The following TNRC6B variants were observed in gnomAD, a reference collection of about 807,000 sequenced individuals.
TNRC6B encodes trinucleotide repeat-containing gene 6B protein.
TNRC6B carries 52 observed loss-of-function variants against 203.6 expected under a neutral mutation model. The ratio of observed to expected loss-of-function variants is 0.26; its 90% CI spans 0.20 to 0.32. The LOEUF is 0.32. TNRC6B is among the 10% of genes least tolerant of loss of function. The pLI is 1.00. For missense variants in TNRC6B, 1,923 were observed against 2,286.2 expected, an observed-to-expected ratio of 0.84 and a Z score of 3.24; for synonymous variants, 838 against 845.7, an observed-to-expected ratio of 0.99 and a Z score of 0.16.
intron 12 of TNRC6B, among the ~76,000 whole-genome samples, chr22:40,296,278 A>G (rs1012657760): frequency 1.3e-5 from 2 of 151,844 alleles, no homozygotes; most frequent in Non-Finnish European, 2.9e-5. Context: ...CAGATCAGAA[A>G]TGGGAAAGAA....
intron 11 of TNRC6B, among the ~76,000 whole-genome samples, chr22:40,282,434 A>C (rs1431917507): frequency 6.6e-6 from 1 of 152,200 alleles, no homozygotes; most frequent in Non-Finnish European, 1.5e-5. Flanking sequence ...CACAGAGGAC[A>C]TGGATATATA....
Position 40,277,116 on chromosome 22 carries a change from C to T in TNRC6B, c.3181C>T (p.Pro1061Ser). 1 of 1,608,000 alleles carries T rather than the reference C, an allele frequency of 6.2e-7. No individual in the cohort carries two copies. The highest frequency in any genetic ancestry group is 2.2e-5 in the East Asian group (1 of 44,536). ...AGGAAACAATGATTCATGGATGAAT[C>T]CTCTTGCCAAACAGTTTTCAAATAT... ...KGGNNDSWMN[P>S]LAKQFSNMGL... Residue 1061 changes from proline (P) to serine (S), a missense_variant, in exon 8 of 23, where the codon CCT (proline) becomes TCT (serine). Pro to Ser is a moderately conservative substitution (Grantham distance 74). This residue lies in a region of TNRC6B where 599 missense variants were observed against 656.5 expected (regional missense o/e 0.91). Transcript: ENST00000454349.
intron 1 of TNRC6B, among the ~76,000 whole-genome samples, chr22:40,091,467 GA>G (rs57865746): frequency 0.076 from 10,799 of 142,056 alleles, 1,192 homozygotes; most frequent in African/African-American, 0.25. Flanking sequence ...AAATTGCAAA[GA>G]AAAAAAAAAA....
At chr22:40,215,307 T>C (rs1198828305) in intron 1 of TNRC6B, among the ~76,000 whole-genome samples, 2 of 152,108 alleles carry the variant, frequency 1.3e-5, no homozygotes, top group African/African-American at 4.8e-5. Flanking sequence ...GATTTATCAG[T>C]TAAGTGTGTG....
At chr22:40,297,292 G>A (rs2070957461) in intron 12 of TNRC6B, among the ~76,000 whole-genome samples, 1 of 152,156 alleles carries the variant, frequency 6.6e-6, no homozygotes, top group African/African-American at 2.4e-5. Context: ...GGAAGCTTTA[G>A]CGGCATATGA....
At chr22:40,155,129 G>T (rs1414177414) in intron 3 of TNRC6B, among the ~76,000 whole-genome samples, 1 of 151,380 alleles carries the variant, frequency 6.6e-6, no homozygotes, top group Non-Finnish European at 1.5e-5. Flanking sequence ...ACTGTTGACA[G>T]ATGTTTATTC....
At chr22:40,250,257 C>T (rs895491026) in intron 2 of TNRC6B, among the ~76,000 whole-genome samples, 1 of 152,150 alleles carries the variant, frequency 6.6e-6, no homozygotes, top group Non-Finnish European at 1.5e-5. Context: ...GGATGTTTTG[C>T]TTGTGCATCA....
chr22:40,111,283 CGAGCAGGGACCGGGGT>C (rs6147626), intron 1 of TNRC6B, among the ~76,000 whole-genome samples: 8,625 of 152,156 alleles, frequency 0.057, 765 homozygotes, highest in African/African-American at 0.19. Flanking sequence ...GGCAGTGGGG[CGAGCAGGGACCGGGGT>C]GAGCAGGGAC....
intron 1 of TNRC6B, among the ~76,000 whole-genome samples, chr22:40,091,068 G>A (rs939321774): frequency 1.3e-5 from 2 of 152,036 alleles, no homozygotes; most frequent in Non-Finnish European, 2.9e-5. Context: ...TGCAAGCTTC[G>A]CCTCCCGGGT....
At chr22:40,253,779 A>G (rs2146481810) in intron 3 of TNRC6B, 1 of 454,060 alleles carries the variant, frequency 2.2e-6, no homozygotes, top group Non-Finnish European at 4.4e-6. Flanking sequence ...CCACATCTTC[A>G]TCTTTATTCC....
intron 1 of TNRC6B, among the ~76,000 whole-genome samples, chr22:40,210,797 T>C (rs1040402094): frequency 2.6e-5 from 4 of 152,204 alleles, no homozygotes; most frequent in African/African-American, 9.6e-5. Context: ...CCTGGAAATA[T>C]GCTTGACCAG....
chr22:40,146,537 G>T (rs939592098), intron 3 of TNRC6B, among the ~76,000 whole-genome samples: 3 of 151,154 alleles, frequency 2.0e-5, no homozygotes, highest in Non-Finnish European at 2.9e-5. Flanking sequence ...TGGGATTACA[G>T]GCATGTGCCA....
intron 4 of TNRC6B, among the ~76,000 whole-genome samples, chr22:40,164,087 T>G (rs1296954619): frequency 1.3e-5 from 2 of 152,074 alleles, no homozygotes; most frequent in African/African-American, 4.8e-5. Context: ...TAAAGCCTAA[T>G]TCCAGAATAT....
chr22:40,264,801 A>T lies in TNRC6B; in HGVS notation c.571A>T (p.Ile191Phe). ...CCCAATTCACATCTGGGACAAGGTG[A>T]TTGTAGACGGGTCTGACATGGAAGA... ...PNPIHIWDKVIVDGSDMEEWP... is the reference protein window; with the variant it reads ...PNPIHIWDKVFVDGSDMEEWP... The change falls in exon 5 of 23, where the codon ATT becomes TTT. Residue 191 changes from isoleucine (I) to phenylalanine (F), a missense_variant. Physicochemically the swap from Ile to Phe is conservative, Grantham distance 21 (BLOSUM62 0). Transcript: ENST00000454349. 1.2e-6 allele frequency: 2 copies of T among 1,614,008 alleles called. No homozygotes were observed. Among genetic ancestry groups the T allele is most frequent in the South Asian group, 2.2e-5 (2 of 91,080 alleles).
intron 3 of TNRC6B, among the ~76,000 whole-genome samples, chr22:40,260,613 A>G (rs1008066739): frequency 6.6e-6 from 1 of 152,216 alleles, no homozygotes; most frequent in Non-Finnish European, 1.5e-5. Context: ...AGGGGCTTCA[A>G]TAAAGTTTAC....
At chr22:40,137,855 G>C (rs984356736) in intron 3 of TNRC6B, among the ~76,000 whole-genome samples, 1 of 151,944 alleles carries the variant, frequency 6.6e-6, no homozygotes, top group African/African-American at 2.4e-5. Context: ...ATGGTGGCAG[G>C]CGCCTGTAAT....
chr22:40,061,964 C>T (rs1176176896), intron 1 of TNRC6B, among the ~76,000 whole-genome samples: 1 of 151,966 alleles, frequency 6.6e-6, no homozygotes, highest in Non-Finnish European at 1.5e-5. Context: ...ATCCAAGCTA[C>T]ATGGGAGGCT....
intron 21 of TNRC6B, among the ~76,000 whole-genome samples, chr22:40,319,422 C>CTTTT (rs374148213): frequency 1.4e-4 from 16 of 112,724 alleles, no homozygotes; most frequent in South Asian, 6.1e-4. Context: ...CTTTTCTTTT[C>CTTTT]TTTTTTTTTT....
intron 3 of TNRC6B, among the ~76,000 whole-genome samples, chr22:40,137,067 A>G (rs1190555801): frequency 1.4e-5 from 2 of 142,898 alleles, no homozygotes; most frequent in African/African-American, 5.1e-5. Context: ...TTTAGTCAAG[A>G]AAAGTGTTAC....
Sources: gnomAD v4.1 joint callset for allele counts (sites outside exome capture counted in the v4.1 genomes callset) on GRCh38, gnomAD v4.1.1 for gene constraint, gnomAD v4.1.1 regional missense constraint, MANE v1.5 for transcripts, NCBI Gene and HGNC (gene_info 2026-07-23, HGNC 2026-07-21) for gene names.